SLC17A8: variants seen among roughly 807,000 people sequenced by gnomAD.
SLC17A8 encodes the protein solute carrier family 17 member 8.
Under a neutral mutation model 58.0 loss-of-function variants are expected in SLC17A8, and 31 were observed. The ratio of observed to expected loss-of-function variants is 0.53; its 90% CI spans 0.40 to 0.72. The LOEUF (loss-of-function observed/expected upper bound fraction) is 0.72, where lower values mean the gene tolerates loss of function less well. Ranked by LOEUF, SLC17A8 falls within the 30% of genes least tolerant of loss-of-function variation. The probability of loss-of-function intolerance (pLI) is 0.00; values close to 1 mark genes in which losing one functional copy is unlikely to be tolerated. For synonymous variants in SLC17A8, 228 were observed against 249.0 expected, an observed-to-expected ratio of 0.92 and a Z score of 0.79; for missense variants, 655 against 727.8, an observed-to-expected ratio of 0.90 and a Z score of 1.15.
chr12:100,403,076 G>A (rs1281976687), intron 8 of SLC17A8, among the ~76,000 whole-genome samples: 2 of 152,084 alleles, frequency 1.3e-5, no homozygotes, highest in East Asian at 1.9e-4. Flanking sequence ...TTTCCTGTAA[G>A]CTACTCAGTG....
At chr12:100,394,933 TATATC>T (rs975883144) in intron 4 of SLC17A8, among the ~76,000 whole-genome samples, 5 of 151,118 alleles carry the variant, frequency 3.3e-5, no homozygotes, top group African/African-American at 1.2e-4. Flanking sequence ...TGTAAGTTGT[TATATC>T]ATTTCAAATC....
intron 10 of SLC17A8, 151 bp downstream of exon 10, chr12:100,413,031 G>T: frequency 2.8e-6 from 2 of 716,170 alleles, no homozygotes; most frequent in Non-Finnish European, 5.0e-6. Context: ...TCTAGTGGGG[G>T]TGATTTTGTA....
chr12:100,395,897 G>A (rs946471706), intron 4 of SLC17A8, among the ~76,000 whole-genome samples: 2 of 152,222 alleles, frequency 1.3e-5, no homozygotes, highest in Non-Finnish European at 2.9e-5. Context: ...ACAGGCGTGA[G>A]CCACCGCTCC....
intron 8 of SLC17A8, 113 bp from the exon 9 acceptor site, chr12:100,403,925 T>A: frequency 8.3e-7 from 1 of 1,207,846 alleles, no homozygotes; most frequent in Non-Finnish European, 1.2e-6. Context: ...ATTAGATGCT[T>A]AAATTTGGTG....
At chr12:100,374,029 G>T (rs774402004) in intron 1 of SLC17A8, among the ~76,000 whole-genome samples, 2 of 152,180 alleles carry the variant, frequency 1.3e-5, no homozygotes, top group Non-Finnish European at 2.9e-5. Flanking sequence ...TTCAGGCAAT[G>T]TCTATTCATT....
chr12:100,389,392 C>A (rs1314971501), intron 2 of SLC17A8, among the ~76,000 whole-genome samples: 1 of 152,132 alleles, frequency 6.6e-6, no homozygotes, highest in African/African-American at 2.4e-5. Flanking sequence ...TTATTGTCCT[C>A]ATTAAGAAAT....
chr12:100,398,607 C>T (rs1442097214), intron 5 of SLC17A8, among the ~76,000 whole-genome samples: 1 of 152,032 alleles, frequency 6.6e-6, no homozygotes, highest in Non-Finnish European at 1.5e-5. Flanking sequence ...CAAAGAACAG[C>T]CAAAGGAAAA....
At chr12:100,376,533 A>G (rs1952595825) in intron 1 of SLC17A8, among the ~76,000 whole-genome samples, 2 of 152,194 alleles carry the variant, frequency 1.3e-5, no homozygotes, top group South Asian at 4.1e-4. Context: ...GCCTCTACCC[A>G]CTAAGGGCTG....
At chr12:100,373,577 CTTTTT>C (rs11296057) in intron 1 of SLC17A8, among the ~76,000 whole-genome samples, 5,873 of 87,680 alleles carry the variant, frequency 0.067, 400 homozygotes, top group African/African-American at 0.22. Flanking sequence ...AAATCAGTGA[CTTTTT>C]TTTTTTTTTT....
Position 100,417,951 on chromosome 12 carries a change from G to A in SLC17A8, c.1298-78G>A, listed in dbSNP as rs1220155290. ...GAAACCAAACAGATTGGTAAAGGCT[G>A]GGGCAACTGAGTATTTTCCAAAGCA... On this transcript the variant is annotated intron_variant, in intron 10 of 11. Transcript: ENST00000323346. 5.1e-6 allele frequency: 8 copies of A among 1,580,406 alleles called. No homozygotes were observed. The Admixed American group carries it at 1.2e-4, about 23-fold the overall frequency.
At chr12:100,410,494 CA>C (rs35135035) in intron 9 of SLC17A8, 14,891 of 124,994 alleles carry the variant, frequency 0.12, 841 homozygotes, top group South Asian at 0.2. Flanking sequence ...GACTCCATCT[CA>C]AAAAAAAAAA....
rs141763318 is a variant in SLC17A8, at chr12:100,384,987, T to C, written c.354+4034T>C. Among the ~76,000 whole-genome samples the C allele has an allele frequency of 5.3e-4, 81 of 152,206 alleles. 1 individual carries two copies. Among genetic ancestry groups the C allele is most frequent in the African/African-American group, 1.9e-3 (79 of 41,548 alleles). On this transcript the variant is annotated intron_variant, in intron 2 of 11. Transcript: ENST00000323346. ...TCCACAGTGGAAGTGCCTTGAGCCTTTGTCTTGCTAGGAAGCTGATTTACT... is the reference window on the plus strand; with the variant it reads ...TCCACAGTGGAAGTGCCTTGAGCCTCTGTCTTGCTAGGAAGCTGATTTACT...
At chr12:100,396,562 A>T (rs1952755718) in intron 5 of SLC17A8, 145 bp downstream of exon 5, 1 of 667,012 alleles carries the variant, frequency 1.5e-6, no homozygotes, top group Non-Finnish European at 2.7e-6. Context: ...CAGCCTGGAC[A>T]ATATAGTGAC....
chr12:100,388,368 T>G (rs1415833711), intron 2 of SLC17A8, among the ~76,000 whole-genome samples: 1 of 152,234 alleles, frequency 6.6e-6, no homozygotes, highest in Non-Finnish European at 1.5e-5. Context: ...CACTGGCATC[T>G]TCAAAATGGC....
At chr12:100,365,202 G>A (rs1212258731) in intron 1 of SLC17A8, among the ~76,000 whole-genome samples, 2 of 152,136 alleles carry the variant, frequency 1.3e-5, no homozygotes, top group African/African-American at 2.4e-5. Flanking sequence ...ATGGTCTCTT[G>A]ATATTCCATG....
chr12:100,403,289 C>G (rs1025029558), intron 8 of SLC17A8, among the ~76,000 whole-genome samples: 1 of 149,070 alleles, frequency 6.7e-6, no homozygotes, highest in African/African-American at 2.5e-5. Context: ...ACCAACATGG[C>G]AAAACCCTGC....
intron 5 of SLC17A8, among the ~76,000 whole-genome samples, chr12:100,397,128 G>C (rs1389003013): frequency 6.6e-6 from 1 of 152,176 alleles, no homozygotes; most frequent in Non-Finnish European, 1.5e-5. Flanking sequence ...AGCCTCTTCA[G>C]GAGTGAAGGG....
At chr12:100,365,029 T>C (rs1283900452) in intron 1 of SLC17A8, among the ~76,000 whole-genome samples, 1 of 152,180 alleles carries the variant, frequency 6.6e-6, no homozygotes, top group Admixed American at 6.5e-5. Flanking sequence ...ATTGGTATAG[T>C]AGATATAGGT....
At chr12:100,403,944 TA>T in intron 8 of SLC17A8, 93 bp from the exon 9 acceptor site, 1 of 1,429,438 alleles carries the variant, frequency 7.0e-7, no homozygotes, top group Non-Finnish European at 9.8e-7. Flanking sequence ...TGGTGGTAGG[TA>T]GGGGGGCTGT....
Sources: gnomAD v4.1 joint callset for allele counts (sites outside exome capture counted in the v4.1 genomes callset) on GRCh38, gnomAD v4.1.1 for gene constraint, MANE v1.5 for transcripts, NCBI Gene and HGNC (gene_info 2026-07-23, HGNC 2026-07-21) for gene names.